PDE4A: variants seen among roughly 807,000 people sequenced by gnomAD.
PDE4A encodes phosphodiesterase 4A.
In PDE4A, 21 loss-of-function variants were observed where a neutral mutation model predicts 73.9. The observed-to-expected ratio is 0.28, with a 90% CI of 0.20 to 0.41. The LOEUF is 0.41. Ranked by LOEUF, PDE4A falls within the 10% of genes least tolerant of loss-of-function variation. PDE4A has a pLI of 1.00. For synonymous variants in PDE4A, 463 were observed against 505.4 expected (o/e 0.92, Z 1.13); for missense variants, 958 against 1,211.4 (o/e 0.79, Z 3.10).
rs769583977 is a variant in PDE4A, at chr19:10,464,010, G to A, written c.1926+35G>A. ...CGGGGCATTGATGGACGGGCACAGGGTGAGTCTCCCCAGCCCATCTTGGCC... is the reference window on the plus strand; with the variant it reads ...CGGGGCATTGATGGACGGGCACAGGATGAGTCTCCCCAGCCCATCTTGGCC... On this transcript the variant is annotated intron_variant, in intron 14 of 14. Coordinates refer to ENST00000380702, the MANE Select transcript of PDE4A (RefSeq NM_001111307.2). 43 of 1,612,712 alleles carry A rather than the reference G, an allele frequency of 2.7e-5. No homozygotes were observed. The South Asian group carries it at 4.6e-4, about 17-fold the overall frequency.
intron 1 of PDE4A, among the ~76,000 whole-genome samples, chr19:10,441,310 G>A (rs1162033848): frequency 6.6e-6 from 1 of 152,006 alleles, no homozygotes; most frequent in Admixed American, 6.6e-5. Context: ...TGTATTTTTA[G>A]TAGAGACGGT....
upstream of PDE4A, chr19:10,417,696 A>G (rs1599390412): frequency 6.3e-7 from 1 of 1,595,682 alleles, no homozygotes; most frequent in Middle Eastern, 1.7e-4. Context: ...CCGTGCCAAC[A>G]TGCTGGGGGC....
chr19:10,430,886 A>C, intron 1 of PDE4A: 2 of 1,477,142 alleles, frequency 1.4e-6, no homozygotes, highest in Non-Finnish European at 1.8e-6. Context: ...CGGAGCTGCA[A>C]CTGGTGGCCT....
At chr19:10,432,638 TG>T in intron 1 of PDE4A, 1 of 1,416,318 alleles carries the variant, frequency 7.1e-7, no homozygotes, top group Non-Finnish European at 9.4e-7. Context: ...GCTGGGGGGG[TG>T]GGGGTGCTGA....
At chr19:10,427,761 A>T in intron 1 of PDE4A, 7 of 972,806 alleles carry the variant, frequency 7.2e-6, no homozygotes, top group Non-Finnish European at 8.6e-6. Flanking sequence ...TAAAAACCGT[A>T]TTCCCAAGGG....
chr19:10,467,671 G>C lies in PDE4A; in HGVS notation c.*50G>C. The C allele has an allele frequency of 7.2e-7, 1 of 1,394,774 alleles. No homozygotes were observed. Among genetic ancestry groups the C allele is most frequent in the Non-Finnish European group, 9.7e-7 (1 of 1,029,434 alleles). 86.4% of individuals were successfully genotyped at this position (1,394,774 alleles called of 1,614,324 possible). ...CCTCCACTCCTCCCCTCACTCCCCT[G>C]CTCCCCCGACCACCTCCTCCTCTGC... On this transcript the variant is annotated 3_prime_UTR_variant, in exon 15 of 15. Coordinates refer to ENST00000380702, the MANE Select transcript of PDE4A (RefSeq NM_001111307.2).
At position 10,461,063 on chromosome 19, in the gene PDE4A, G is replaced by T; in HGVS notation, c.1425G>T (p.Val475=). The change falls in exon 11 of 15, where the codon GTG becomes GTT. Residue 475 remains valine, a synonymous_variant. Coordinates refer to ENST00000380702, the MANE Select transcript of PDE4A (RefSeq NM_001111307.2). Reference sequence around the variant, plus strand: ...TCTTCGCGGCTGCCATCCACGATGTGGATCACCCTGGGGTCTCCAACCAGT... The same window carrying T: ...TCTTCGCGGCTGCCATCCACGATGTTGATCACCCTGGGGTCTCCAACCAGT... ...AALFAAAIHD[V]DHPGVSNQFL... 6.2e-7 allele frequency: 1 copy of T among 1,613,704 alleles called. No homozygotes were observed. Among genetic ancestry groups the T allele is most frequent in the Non-Finnish European group, 8.5e-7 (1 of 1,179,734 alleles).
At chr19:10,444,335 C>T (rs996011643) in intron 1 of PDE4A, among the ~76,000 whole-genome samples, 4 of 151,652 alleles carry the variant, frequency 2.6e-5, no homozygotes, top group East Asian at 2.0e-4. Context: ...ACTGTGTCTA[C>T]TGAAAATACA....
rs1440484561 is a variant in PDE4A at position 10,453,377 on chromosome 19, GC to G, written c.784-1447del. The G allele has an allele frequency of 3.1e-6, 5 of 1,587,740 alleles. No homozygotes were observed. Among genetic ancestry groups the G allele is most frequent in the Non-Finnish European group, 2.6e-6 (3 of 1,170,136 alleles). ...GTGGGCGGGCATCCTGGTGAGCTGG[GC>G]CCCCGGTGTGGGCTTGTGTGTGCAG... On this transcript the variant is annotated intron_variant, in intron 6 of 14. Transcript: ENST00000380702. This position sits in a 1 kb window ranked among gnomAD's most constrained non-coding sequence, Gnocchi z 4.6.
upstream of PDE4A, chr19:10,417,887 G>C: frequency 1.3e-6 from 2 of 1,540,338 alleles, no homozygotes; most frequent in Non-Finnish European, 1.7e-6. Flanking sequence ...AGGGAGCAGA[G>C]TGGGAGGTGG....
At position 10,459,706 on chromosome 19, in the gene PDE4A, G is replaced by A. The variant is rs1568382600; in HGVS notation, c.1312G>A (p.Ala438Thr). 1.9e-6 allele frequency: 3 copies of A among 1,614,140 alleles called. No homozygotes were observed. Among genetic ancestry groups the A allele is most frequent in the Admixed American group, 1.7e-5 (1 of 60,016 alleles). The change falls in exon 10 of 15, where the codon GCA becomes ACA. Residue 438 changes from alanine to threonine, a missense_variant. Coordinates refer to ENST00000380702, the MANE Select transcript of PDE4A (RefSeq NM_001111307.2). ...ADVAYHNSLH[A>T]ADVLQSTHVL... ...CGTGGCCTACCATAACAGCCTGCACGCAGCTGACGTGCTGCAGTCCACCCA... is the reference window on the plus strand; with the variant it reads ...CGTGGCCTACCATAACAGCCTGCACACAGCTGACGTGCTGCAGTCCACCCA...
intron 2 of PDE4A, 66 bp from the exon 3 acceptor site, chr19:10,448,851 C>T (rs2043049604): frequency 6.2e-7 from 1 of 1,607,486 alleles, no homozygotes. Flanking sequence ...TCCAGCCTCA[C>T]AGGGCATCTA....
intron 1 of PDE4A, among the ~76,000 whole-genome samples, chr19:10,432,187 G>GT (rs1361459192): frequency 2.1e-5 from 3 of 141,700 alleles, no homozygotes; most frequent in East Asian, 2.3e-4. Flanking sequence ...GGGGGGGGGG[G>GT]GGGGAAGTGT....
intron 1 of PDE4A, among the ~76,000 whole-genome samples, chr19:10,441,082 G>GT (rs560611523): frequency 1.2e-3 from 189 of 152,010 alleles, no homozygotes; most frequent in African/African-American, 4.4e-3. Flanking sequence ...CCAGGCTGGA[G>GT]TGCAGTGGTG....
At chr19:10,444,601 A>C (rs1599427283) in intron 1 of PDE4A, among the ~76,000 whole-genome samples, 1 of 151,286 alleles carries the variant, frequency 6.6e-6, no homozygotes, top group African/African-American at 2.4e-5. Context: ...GGAGGGAAAG[A>C]GGAGCCGCTG....
Position 10,467,364 on chromosome 19 carries a change from T to C in PDE4A, c.2404T>C (p.Phe802Leu). The C allele has an allele frequency of 6.2e-7, 1 of 1,614,118 alleles. No individual in the cohort carries two copies. Among genetic ancestry groups the C allele is most frequent in the Non-Finnish European group, 8.5e-7 (1 of 1,180,004 alleles). The change falls in exon 15 of 15, where the codon TTC becomes CTC. Residue 802 changes from phenylalanine to leucine, a missense_variant. Physicochemically the swap from Phe to Leu is conservative, Grantham distance 22. Around this residue, in one of 3 missense-constraint regions of PDE4A, gnomAD observed 243 missense variants for 245.9 expected, o/e 0.99. Transcript: ENST00000380702. The stretch of plus-strand genomic sequence containing the variant: ...GGATGAGTTCTCGTCCCGGGAGGAA[T>C]TCGTGGTTGCTGTAAGCCACAGCAG... ...APDEFSSREE[F>L]VVAVSHSSPS...
upstream of PDE4A, chr19:10,417,831 C>A (rs1326614194): frequency 6.4e-7 from 1 of 1,558,648 alleles, no homozygotes; most frequent in African/African-American, 1.4e-5. Context: ...GCTGATCCCA[C>A]CGCGGATTTC....
chr19:10,430,830 G>A, intron 1 of PDE4A: 2 of 1,115,360 alleles, frequency 1.8e-6, no homozygotes, highest in Non-Finnish European at 1.1e-6. Flanking sequence ...GCCGAGGCGG[G>A]GCCGCCCCGC....
At chr19:10,436,654 A>T (rs570773670) in intron 1 of PDE4A, among the ~76,000 whole-genome samples, 69 of 152,352 alleles carry the variant, frequency 4.5e-4, no homozygotes, top group African/African-American at 1.6e-3. Flanking sequence ...AATGCCAGGC[A>T]CACAGCAAGC....
Sources: gnomAD v4.1 joint callset for allele counts (sites outside exome capture counted in the v4.1 genomes callset) on GRCh38, gnomAD v4.1.1 for gene constraint, gnomAD v4.1.1 regional missense constraint, Gnocchi (gnomAD v3.1) non-coding constraint, MANE v1.5 for transcripts, NCBI Gene and HGNC (gene_info 2026-07-23, HGNC 2026-07-21) for gene names.